Variants in ZBTB20 observed in about 807,000 individuals in gnomAD.
ZBTB20 encodes the protein zinc finger and BTB domain containing 20.
In ZBTB20, 9 loss-of-function variants were observed where a neutral mutation model predicts 56.9. That is an observed-to-expected ratio of 0.16 (90% CI 0.10 to 0.28). ZBTB20 has a LOEUF of 0.28. ZBTB20 is among the 10% of genes least tolerant of loss of function. The probability of loss-of-function intolerance (pLI) is 1.00; values close to 1 mark genes in which losing one functional copy is unlikely to be tolerated. For missense variants in ZBTB20, 655 were observed against 1,003.0 expected, an observed-to-expected ratio of 0.65 and a Z score of 4.69; for synonymous variants, 417 against 420.7, an observed-to-expected ratio of 0.99 and a Z score of 0.11.
intron 6 of ZBTB20, among the ~76,000 whole-genome samples, chr3:114,560,902 A>T (rs2051946377): frequency 6.6e-6 from 1 of 152,168 alleles, no homozygotes; most frequent in South Asian, 2.1e-4. Context: ...CCACAGTAGA[A>T]CTTCTTTCAA....
At chr3:114,470,746 T>C (rs1042280045) in intron 7 of ZBTB20, among the ~76,000 whole-genome samples, 6 of 152,184 alleles carry the variant, frequency 3.9e-5, no homozygotes. Flanking sequence ...TGCTTTCTCC[T>C]TTAGAAGAAA....
rs57059379 is a variant in ZBTB20, at chr3:114,651,550, TAAAAAAAAAAAAAAA to T, written c.-295+41963_-295+41977del. Among the ~76,000 whole-genome samples, 15 of 91,410 alleles carry T rather than the reference TAAAAAAAAAAAAAAA, an allele frequency of 1.6e-4. No homozygotes were observed. The East Asian group carries it at 4.9e-3, about 30-fold the overall frequency. The allele number at this position is 91,410 out of a possible 152,430, so 60.0% of individuals were successfully genotyped here. ...ATAAGTAAAACCCTTGGTTGGATAG[TAAAAAAAAAAAAAAA>T]AAAAAAAGGAAAAACGAAAAAGTCC... On this transcript the variant is annotated intron_variant, in intron 6 of 11. Coordinates refer to ENST00000675478, the MANE Select transcript of ZBTB20 (RefSeq NM_001348800.3).
At chr3:114,937,411 G>T (rs561125458) in intron 3 of ZBTB20, among the ~76,000 whole-genome samples, 3 of 151,444 alleles carry the variant, frequency 2.0e-5, no homozygotes, top group South Asian at 2.1e-4. Flanking sequence ...TGACATAAAT[G>T]TCTTCTTCTT....
intron 4 of ZBTB20, among the ~76,000 whole-genome samples, chr3:114,860,671 C>G (rs980137887): frequency 2.6e-5 from 4 of 152,150 alleles, no homozygotes; most frequent in Admixed American, 2.6e-4. Flanking sequence ...AAATAAAGCA[C>G]CTGCAGTGCT....
intron 1 of ZBTB20, among the ~76,000 whole-genome samples, chr3:115,082,612 T>C (rs1454636491): frequency 6.6e-6 from 1 of 152,116 alleles, no homozygotes; most frequent in Non-Finnish European, 1.5e-5. Flanking sequence ...TAAAATGCCT[T>C]ATACTTGAGC....
chr3:114,702,585 T>C (rs978705407), intron 5 of ZBTB20, among the ~76,000 whole-genome samples: 1 of 152,076 alleles, frequency 6.6e-6, no homozygotes, highest in Non-Finnish European at 1.5e-5. Flanking sequence ...AAGAGGAGTA[T>C]GTGTATGTAC....
chr3:114,825,211 A>G (rs1234879870), intron 4 of ZBTB20, among the ~76,000 whole-genome samples: 1 of 151,860 alleles, frequency 6.6e-6, no homozygotes, highest in Admixed American at 6.6e-5. Context: ...ACAGGTGGAA[A>G]GTCACTTCTC....
intron 5 of ZBTB20, among the ~76,000 whole-genome samples, chr3:114,792,932 A>G (rs1030548011): frequency 6.9e-5 from 10 of 145,342 alleles, no homozygotes; most frequent in Non-Finnish European, 1.2e-4. Context: ...CTGGAGTGCA[A>G]TGGTGCGATC....
intron 2 of ZBTB20, among the ~76,000 whole-genome samples, chr3:115,039,020 T>G (rs939352634): frequency 1.3e-5 from 2 of 152,086 alleles, no homozygotes; most frequent in East Asian, 3.9e-4. Flanking sequence ...ACTGTATCCT[T>G]GGATAAGAGG....
intron 4 of ZBTB20, among the ~76,000 whole-genome samples, chr3:114,835,542 TATACA>T (rs1245590008): frequency 2.0e-5 from 3 of 152,212 alleles, no homozygotes; most frequent in East Asian, 1.9e-4. Context: ...TACAATGAAC[TATACA>T]ATACAATTTA....
At chr3:114,704,414 A>T (rs1418695669) in intron 5 of ZBTB20, among the ~76,000 whole-genome samples, 1 of 152,132 alleles carries the variant, frequency 6.6e-6, no homozygotes. Context: ...TATAGGTTAT[A>T]TATAAACACA....
At chr3:114,558,729 G>A (rs1007383180) in intron 6 of ZBTB20, among the ~76,000 whole-genome samples, 9 of 151,974 alleles carry the variant, frequency 5.9e-5, no homozygotes, top group African/African-American at 2.2e-4. Flanking sequence ...ATCACCAATG[G>A]CTGCTTACTG....
chr3:114,752,346 G>T (rs1352907808), intron 5 of ZBTB20, among the ~76,000 whole-genome samples: 1 of 152,066 alleles, frequency 6.6e-6, no homozygotes, highest in African/African-American at 2.4e-5. Flanking sequence ...TATTAGGGTT[G>T]GGGCCCATTT....
At chr3:114,730,597 T>G (rs1456373379) in intron 5 of ZBTB20, among the ~76,000 whole-genome samples, 2 of 152,098 alleles carry the variant, frequency 1.3e-5, no homozygotes, top group African/African-American at 4.8e-5. Flanking sequence ...ACATCAGAGG[T>G]TCTCTTGAGC....
intron 6 of ZBTB20, chr3:114,625,056 G>C (rs2058574894): frequency 6.5e-6 from 1 of 152,858 alleles, no homozygotes; most frequent in South Asian, 2.1e-4. Context: ...GTCATGAGAG[G>C]CCAGGCCTGG....
intron 1 of ZBTB20, among the ~76,000 whole-genome samples, chr3:115,075,721 C>G (rs547410898): frequency 6.6e-6 from 1 of 152,078 alleles, no homozygotes; most frequent in South Asian, 2.1e-4. Context: ...ATCAGCAACA[C>G]AGCAAGGATG....
At chr3:114,514,798 A>G (rs556915019) in intron 6 of ZBTB20, among the ~76,000 whole-genome samples, 1 of 152,294 alleles carries the variant, frequency 6.6e-6, no homozygotes, top group East Asian at 1.9e-4. Flanking sequence ...TAAATCGATA[A>G]TCTTAAGAAA....
At chr3:114,525,471 T>A (rs1428397132) in intron 6 of ZBTB20, among the ~76,000 whole-genome samples, 6 of 152,108 alleles carry the variant, frequency 3.9e-5, no homozygotes, top group African/African-American at 1.4e-4. Context: ...TTCTCCCTTG[T>A]TTATGTCTAT....
chr3:114,411,325 T>C (rs560777817), intron 7 of ZBTB20, among the ~76,000 whole-genome samples: 2 of 152,104 alleles, frequency 1.3e-5, no homozygotes, highest in African/African-American at 4.8e-5. Context: ...GCTCCAGGCA[T>C]CAGTGAGGAC....
Sources: allele counts gnomAD v4.1 joint callset (sites outside exome capture counted in the v4.1 genomes callset), GRCh38; gene constraint gnomAD v4.1.1; transcripts MANE v1.5; gene names NCBI Gene and HGNC (gene_info 2026-07-23, HGNC 2026-07-21).